The following PITPNM2 variants were observed in gnomAD, a reference collection of about 807,000 sequenced individuals.
PITPNM2 encodes the protein phosphatidylinositol transfer protein membrane associated 2, also known as membrane-associated phosphatidylinositol transfer protein 2.
In PITPNM2, 35 loss-of-function variants were observed where a neutral mutation model predicts 132.2. The ratio of observed to expected loss-of-function variants is 0.26; its 90% CI spans 0.20 to 0.35. PITPNM2 has a LOEUF of 0.35. Among genes scored for constraint, PITPNM2 ranks in the 10% least tolerant of loss-of-function variants. PITPNM2 has a pLI of 1.00. For synonymous variants in PITPNM2, 738 were observed against 799.2 expected, an observed-to-expected ratio of 0.92 and a Z score of 1.29; for missense variants, 1,332 against 1,912.0, an observed-to-expected ratio of 0.70 and a Z score of 5.66.
At chr12:123,130,608 A>G (rs1017404088) in intron 1 of PITPNM2, among the ~76,000 whole-genome samples, 4 of 152,078 alleles carry the variant, frequency 2.6e-5, no homozygotes, top group Admixed American at 6.6e-5. Context: ...GTGAAACCCC[A>G]TCTCTACTAA....
At chr12:123,090,058 T>C (rs956649895) in intron 2 of PITPNM2, 5 of 152,222 alleles carry the variant, frequency 3.3e-5, no homozygotes. Flanking sequence ...GAAAAATTTA[T>C]TATTTCATGC....
intron 1 of PITPNM2, among the ~76,000 whole-genome samples, chr12:123,137,215 T>A (rs1315675705): frequency 6.6e-6 from 1 of 152,082 alleles, no homozygotes; most frequent in Non-Finnish European, 1.5e-5. Context: ...TCTCGTGCCT[T>A]CCCTACCACT....
Position 123,012,601 on chromosome 12 carries a change from C to T in PITPNM2, c.415+12G>A. 1 of 1,613,912 alleles carries T rather than the reference C, an allele frequency of 6.2e-7. No individual in the cohort carries two copies. The highest frequency in any genetic ancestry group is 8.5e-7 in the Non-Finnish European group (1 of 1,179,804). Reference sequence around the variant, plus strand: ...GAGTACAGCCCTGTGGGGCTCTGCCCTTCCTGGTTACCGATTGTCAGCTGG... The same window carrying T: ...GAGTACAGCCCTGTGGGGCTCTGCCTTTCCTGGTTACCGATTGTCAGCTGG... On this transcript the variant is annotated intron_variant, in intron 5 of 25. Coordinates refer to ENST00000320201, the MANE Select transcript of PITPNM2 (RefSeq NM_020845.3).
intron 3 of PITPNM2, among the ~76,000 whole-genome samples, chr12:123,029,641 ATGTG>A (rs10532248): frequency 2.0e-5 from 3 of 151,008 alleles, no homozygotes; most frequent in Non-Finnish European, 1.5e-5. Flanking sequence ...CTTGTGGTGT[ATGTG>A]TGTGTGTGTG....
chr12:123,113,417 T>C (rs2042878623), intron 1 of PITPNM2, among the ~76,000 whole-genome samples: 1 of 152,216 alleles, frequency 6.6e-6, no homozygotes, highest in African/African-American at 2.4e-5. Context: ...ACCCGCCCTT[T>C]TAGCCAAGTG....
At chr12:123,068,244 G>A (rs1462096959) in intron 2 of PITPNM2, among the ~76,000 whole-genome samples, 1 of 152,060 alleles carries the variant, frequency 6.6e-6, no homozygotes, top group East Asian at 1.9e-4. Flanking sequence ...AAGGTGGGCG[G>A]ATCACAAAGT....
intron 20 of PITPNM2, 24 bp from the exon 21 acceptor site, chr12:122,987,925 G>A (rs73230029): frequency 0.022 from 34,503 of 1,592,250 alleles, 464 homozygotes; most frequent in Middle Eastern, 0.053. Flanking sequence ...GGCAAGCCCA[G>A]GTCAGGGGGT....
At chr12:123,094,721 G>T (rs1276386850) in intron 2 of PITPNM2, among the ~76,000 whole-genome samples, 2 of 152,194 alleles carry the variant, frequency 1.3e-5, no homozygotes, top group African/African-American at 4.8e-5. Flanking sequence ...GTGGGGTGGG[G>T]TCCCTCCACC....
chr12:123,021,826 T>C, intron 3 of PITPNM2: 1 of 494,642 alleles, frequency 2.0e-6, no homozygotes, highest in African/African-American at 2.1e-5. Flanking sequence ...TAAGTTAACC[T>C]CTATATGTCA....
In PITPNM2 at chr12:122,997,394, A is replaced by G. The variant is rs1258073252; in HGVS notation, c.1403T>C (p.Leu468Pro). The change falls in exon 11 of 26, where the codon CTG becomes CCG. Residue 468 changes from leucine to proline, a missense_variant. Leu to Pro is a moderately conservative substitution (Grantham distance 98). Transcript: ENST00000320201. ...CACCAGGCGGATGGCAAGGCGGCCC[A>G]GGGCGCTGGGGTAGTGCACGCGCAT... Reference protein sequence around the residue: ...TVMRVHYPSALGRLAIRLVPC... With the variant: ...TVMRVHYPSAPGRLAIRLVPC... 6.2e-7 allele frequency: 1 copy of G among 1,613,380 alleles called. No homozygotes were observed. The highest frequency in any genetic ancestry group is 8.5e-7 in the Non-Finnish European group (1 of 1,179,992).
rs1034486030 is a variant in PITPNM2, at chr12:122,988,325, A to G, written c.2906T>C (p.Ile969Thr). Residue 969 changes from isoleucine to threonine, a missense_variant, in exon 20 of 26, where the codon ATC becomes ACC. Physicochemically the swap from Ile to Thr is moderately conservative, Grantham distance 89 (BLOSUM62 -1). This residue lies in a region of PITPNM2 where 251 missense variants were observed against 472.0 expected (regional missense o/e 0.53). Transcript: ENST00000320201. ...CACTTCCTTGCCATCCAGCTCCAAGATGCTGGAGTTGTCATGCCTCATGAC... is the reference window on the plus strand; with the variant it reads ...CACTTCCTTGCCATCCAGCTCCAAGGTGCTGGAGTTGTCATGCCTCATGAC... ...RQVMRHDNSS[I>T]LELDGKEVSV... The G allele has an allele frequency of 1.9e-6, 3 of 1,613,356 alleles. No homozygotes were observed. The highest frequency in any genetic ancestry group is 2.5e-6 in the Non-Finnish European group (3 of 1,179,952).
At chr12:123,139,045 G>A (rs2043442066) in intron 1 of PITPNM2, among the ~76,000 whole-genome samples, 1 of 152,010 alleles carries the variant, frequency 6.6e-6, no homozygotes, top group African/African-American at 2.4e-5. Context: ...GGCTGAGGCA[G>A]GAGGATCCCT....
chr12:123,076,809 T>C (rs779260445), intron 2 of PITPNM2, among the ~76,000 whole-genome samples: 40 of 152,214 alleles, frequency 2.6e-4, no homozygotes, highest in Non-Finnish European at 4.4e-4. Context: ...TCAGACACCA[T>C]TCAAACCCAT....
rs1428103958 is a variant in PITPNM2 at position 122,984,454 on chromosome 12, TATACATA to T, written c.*1566_*1572del. 6.6e-6 allele frequency: 1 copy of T among 152,632 alleles called. No individual in the cohort carries two copies. Among genetic ancestry groups the T allele is most frequent in the Non-Finnish European group, 1.5e-5 (1 of 68,054 alleles). 9.5% of individuals were successfully genotyped at this position (152,632 alleles called of 1,614,324 possible). On this transcript the variant is annotated 3_prime_UTR_variant, in exon 26 of 26. Transcript: ENST00000320201. ...TTGGTCCATAAAATAATCGTTGCTT[TATACATA>T]ATGCCTGAAACAACAAAAAGCTACA...
rs546583021 is a variant in PITPNM2, at chr12:123,135,161, A to G, written c.-200+15592T>C. On this transcript the variant is annotated intron_variant, in intron 1 of 25. Transcript: ENST00000320201. ...TAAATGTGGCCACACCCAGTCTAGG[A>G]GACCACAAAGGCAGAAGTCAAGCAA... 3.3e-5 allele frequency among the ~76,000 whole-genome samples: 5 copies of G among 152,284 alleles called. No individual in the cohort carries two copies. The South Asian group carries it at 8.3e-4, about 25-fold the overall frequency.
At chr12:123,062,441 G>A (rs1164686273) in intron 2 of PITPNM2, among the ~76,000 whole-genome samples, 1 of 152,118 alleles carries the variant, frequency 6.6e-6, no homozygotes, top group Admixed American at 6.5e-5. Flanking sequence ...AGGTGCCTGT[G>A]GACAGCATTG....
At chr12:123,050,635 A>G (rs57764857) in intron 2 of PITPNM2, among the ~76,000 whole-genome samples, 6,510 of 152,256 alleles carry the variant, frequency 0.043, 461 homozygotes, top group African/African-American at 0.15. Flanking sequence ...AGGGGATGTG[A>G]GGACAGGCAC....
intron 1 of PITPNM2, among the ~76,000 whole-genome samples, chr12:123,149,254 T>G (rs1314507907): frequency 6.6e-6 from 1 of 152,154 alleles, no homozygotes; most frequent in Non-Finnish European, 1.5e-5. Context: ...GGAGAGAGAA[T>G]GGCCCATTCA....
intron 2 of PITPNM2, among the ~76,000 whole-genome samples, chr12:123,044,354 G>A (rs1039003670): frequency 3.3e-5 from 5 of 152,232 alleles, no homozygotes; most frequent in African/African-American, 9.6e-5. Flanking sequence ...CTTTAGGGGT[G>A]AAAGGTCTCA....
Sources: allele counts gnomAD v4.1 joint callset (sites outside exome capture counted in the v4.1 genomes callset), GRCh38; gene constraint gnomAD v4.1.1; regional missense constraint gnomAD v4.1.1; transcripts MANE v1.5; gene names NCBI Gene and HGNC (gene_info 2026-07-23, HGNC 2026-07-21).